ADGRA1: variants seen among roughly 807,000 people sequenced by gnomAD.
The protein encoded by ADGRA1 is adhesion G protein-coupled receptor A1.
In ADGRA1, 12 loss-of-function variants were observed where a neutral mutation model predicts 21.3. The observed-to-expected ratio is 0.56, with a 90% CI of 0.36 to 0.91. The LOEUF is 0.91. Among genes scored for constraint, ADGRA1 ranks in the 40% least tolerant of loss-of-function variants. ADGRA1 has a pLI of 0.01. For synonymous variants in ADGRA1, 385 were observed against 368.8 expected (o/e 1.04, Z -0.50); for missense variants, 790 against 805.6 (o/e 0.98, Z 0.23).
Position 133,128,948 on chromosome 10 carries a change from G to C in ADGRA1, c.1120G>C (p.Ala374Pro), listed in dbSNP as rs896758150. The part of the protein sequence containing the change: ...MTNLQAAQGH[A>P]SCLSPATPCC... The stretch of plus-strand genomic sequence containing the variant: ...CAACCTGCAGGCCGCGCAGGGCCAC[G>C]CCAGTTGCCTGTCACCGGCCACCCC... Residue 374 changes from alanine to proline, a missense_variant, in exon 7 of 7, where the codon GCC (alanine) becomes CCC (proline). Physicochemically the swap from Ala to Pro is conservative, Grantham distance 27. This residue lies in a region of ADGRA1 where 391 missense variants were observed against 351.5 expected (regional missense o/e 1.11). Transcript: ENST00000392607. The C allele has an allele frequency of 1.3e-6, 2 of 1,556,742 alleles. No individual in the cohort carries two copies. The highest frequency in any genetic ancestry group is 1.2e-5 in the South Asian group (1 of 84,808).
At chr10:133,109,334 C>T (rs957518859) in intron 5 of ADGRA1, among the ~76,000 whole-genome samples, 2 of 152,056 alleles carry the variant, frequency 1.3e-5, no homozygotes, top group African/African-American at 2.4e-5. Flanking sequence ...CTGACCCCAG[C>T]GGGCCTCCAG....
rs118125186 is a variant in ADGRA1, at chr10:133,098,631, G to A, written c.132-9G>A. 9,713 of 1,605,400 alleles carry A rather than the reference G, an allele frequency of 6.1e-3. 70 individuals carry two copies. The highest frequency in any genetic ancestry group is 0.021 in the South Asian group (1,904 of 90,788). ...TGCTCATGTGAAACCCTCCTTTCCC[G>A]TCCCACAGCGCCATCCGCATCAGCC... On this transcript the variant is annotated splice_polypyrimidine_tract_variant and intron_variant, in intron 3 of 6. Transcript: ENST00000392607.
intron 4 of ADGRA1, among the ~76,000 whole-genome samples, chr10:133,100,183 C>T (rs904265780): frequency 6.6e-6 from 1 of 152,242 alleles, no homozygotes; most frequent in Non-Finnish European, 1.5e-5. Flanking sequence ...TGGGCCTGGG[C>T]CTGGGCCCAG....
At chr10:133,104,717 C>T (rs1367746894) in intron 5 of ADGRA1, among the ~76,000 whole-genome samples, 2 of 152,132 alleles carry the variant, frequency 1.3e-5, no homozygotes, top group African/African-American at 4.8e-5. Flanking sequence ...TGGCCTGCCT[C>T]GTCGCTCCGC....
chr10:133,097,023 A>C lies in ADGRA1; in HGVS notation c.53A>C (p.His18Pro). ...CCCCGCTACCCAGGGGAGTTCCTGCACCCCGTGGTGTACGCGTGCACGGCC... is the reference window on the plus strand; with the variant it reads ...CCCCGCTACCCAGGGGAGTTCCTGCCCCCCGTGGTGTACGCGTGCACGGCC... The part of the protein sequence containing the change: ...SLPRYPGEFL[H>P]PVVYACTAVM... The change falls in exon 3 of 7, where the codon CAC becomes CCC. Residue 18 changes from histidine (H) to proline (P), a missense_variant. By Grantham distance (77) the His-to-Pro change is moderately conservative. Transcript: ENST00000392607. The C allele has an allele frequency of 6.2e-7, 1 of 1,612,976 alleles. No individual in the cohort carries two copies. Among genetic ancestry groups the C allele is most frequent in the Non-Finnish European group, 8.5e-7 (1 of 1,179,962 alleles).
At chr10:133,096,872 C>T (rs1045213310) in intron 2 of ADGRA1, 102 bp from the exon 3 acceptor site, 8 of 1,393,506 alleles carry the variant, frequency 5.7e-6, no homozygotes, top group East Asian at 4.7e-5. Context: ...ATGCCTGGAG[C>T]GGCTGCAGGG....
At chr10:133,103,591 C>T (rs1326574855) in intron 5 of ADGRA1, among the ~76,000 whole-genome samples, 1 of 152,196 alleles carries the variant, frequency 6.6e-6, no homozygotes, top group Non-Finnish European at 1.5e-5. Context: ...GCGGACACAG[C>T]CCATGATGGC....
intron 4 of ADGRA1, 85 bp downstream of exon 4, chr10:133,098,848 T>G: frequency 6.6e-7 from 1 of 1,510,066 alleles, no homozygotes; most frequent in Non-Finnish European, 8.9e-7. Flanking sequence ...ATTCCAGCGT[T>G]TGCTCAGCTA....
Position 133,088,899 on chromosome 10 carries a change from T to C in ADGRA1, c.-11T>C, listed in dbSNP as rs1471327314. On this transcript the variant is annotated 5_prime_UTR_variant, in exon 2 of 7. Transcript: ENST00000392607. The stretch of plus-strand genomic sequence containing the variant: ...CAGCGGCGCTCACGCTTCCGCAACT[T>C]TGCAGCGCTCATGGTGAGTACGGGG... The C allele has an allele frequency of 1.6e-6, 2 of 1,241,442 alleles. No homozygotes were observed. Among genetic ancestry groups the C allele is most frequent in the African/African-American group, 1.5e-5 (1 of 64,798 alleles). The allele number at this position is 1,241,442 out of a possible 1,614,324, so 76.9% of individuals were successfully genotyped here. A position where few individuals can be genotyped will look rare whatever the true frequency, so the allele number is the denominator to read the frequency against.
At chr10:133,101,118 G>A (rs1016391095) in intron 4 of ADGRA1, among the ~76,000 whole-genome samples, 11 of 152,242 alleles carry the variant, frequency 7.2e-5, no homozygotes, top group Non-Finnish European at 1.3e-4. Context: ...CCGGCTGGAG[G>A]AAGGAGACCT....
At chr10:133,123,448 C>T (rs996809551) in intron 5 of ADGRA1, among the ~76,000 whole-genome samples, 10 of 152,154 alleles carry the variant, frequency 6.6e-5, no homozygotes, top group African/African-American at 2.2e-4. Flanking sequence ...TTAAGGTACC[C>T]GTCCTCATGC....
chr10:133,098,592 C>T (rs1348193015), intron 3 of ADGRA1, 48 bp from the exon 4 acceptor site: 2 of 1,574,472 alleles, frequency 1.3e-6, no homozygotes, highest in Non-Finnish European at 1.7e-6. Flanking sequence ...CCACGCCTCC[C>T]CCTGCAGAGC....
intron 5 of ADGRA1, among the ~76,000 whole-genome samples, chr10:133,123,145 CCTG>C (rs778424963): frequency 4.6e-5 from 7 of 152,314 alleles, no homozygotes; most frequent in Middle Eastern, 3.4e-3. Context: ...CAGCTCTAAG[CCTG>C]CTAACTCCTC....
rs148592391 is a variant in ADGRA1, at chr10:133,122,417, C to T, written c.402-4816C>T. The stretch of plus-strand genomic sequence containing the variant: ...AGTGTGCCAGGAGGGATCACAGAGC[C>T]GGCAGCACTCAGGCTGGGCACGGGG... On this transcript the variant is annotated intron_variant, in intron 5 of 6. Coordinates refer to ENST00000392607, the MANE Select transcript of ADGRA1 (RefSeq NM_001083909.3). Among the ~76,000 whole-genome samples the T allele has an allele frequency of 1.1e-4, 16 of 152,334 alleles. No individual in the cohort carries two copies. The East Asian group carries it at 2.9e-3, about 28-fold the overall frequency.
chr10:133,127,083 T>G (rs1002160130), intron 5 of ADGRA1, 150 bp from the exon 6 acceptor site: 5 of 431,866 alleles, frequency 1.2e-5, no homozygotes, highest in Non-Finnish European at 2.0e-5. Flanking sequence ...TGGTCGGGGG[T>G]CGGGGGTCGG....
intron 5 of ADGRA1, among the ~76,000 whole-genome samples, chr10:133,116,340 C>T (rs1216502730): frequency 6.6e-6 from 1 of 152,174 alleles, no homozygotes; most frequent in Non-Finnish European, 1.5e-5. Flanking sequence ...CCCGCAGGGC[C>T]TGTGCCTTCG....
Position 133,112,868 on chromosome 10 carries a change from G to A in ADGRA1, c.401+10026G>A, listed in dbSNP as rs549008773. 4.1e-3 allele frequency among the ~76,000 whole-genome samples: 584 copies of A among 141,620 alleles called. 9 individuals are homozygous for A. The highest frequency in any genetic ancestry group is 0.014 in the African/African-American group (516 of 37,540). 92.9% of individuals were successfully genotyped at this position (141,620 alleles called of 152,430 possible). On this transcript the variant is annotated intron_variant, in intron 5 of 6. Transcript: ENST00000392607. ...TTATTGGAGGTCTGCGGGCCACGTCGGTTATTTGGGGTCTGCGGGCCGCGT... is the reference window on the plus strand; with the variant it reads ...TTATTGGAGGTCTGCGGGCCACGTCAGTTATTTGGGGTCTGCGGGCCGCGT...
chr10:133,095,185 C>T (rs1166125192), intron 2 of ADGRA1, among the ~76,000 whole-genome samples: 1 of 152,162 alleles, frequency 6.6e-6, no homozygotes, highest in Admixed American at 6.5e-5. Context: ...CGGACACTCA[C>T]CCCACGACTG....
chr10:133,099,094 TG>T (rs1340436072), intron 4 of ADGRA1, among the ~76,000 whole-genome samples: 3 of 151,338 alleles, frequency 2.0e-5, no homozygotes, highest in Non-Finnish European at 4.4e-5. Flanking sequence ...GAGAAAGTGT[TG>T]GGGGGACACA....
Sources: gnomAD v4.1 joint callset for allele counts (sites outside exome capture counted in the v4.1 genomes callset) on GRCh38, gnomAD v4.1.1 for gene constraint, gnomAD v4.1.1 regional missense constraint, MANE v1.5 for transcripts, NCBI Gene and HGNC (gene_info 2026-07-23, HGNC 2026-07-21) for gene names.